Variants in PDS5B observed in about 807,000 individuals in gnomAD.
The protein encoded by PDS5B is sister chromatid cohesion protein PDS5 homolog B.
In PDS5B, 51 loss-of-function variants were observed where a neutral mutation model predicts 184.1. The ratio of observed to expected loss-of-function variants is 0.28; its 90% confidence interval spans 0.22 to 0.35. PDS5B has a LOEUF of 0.35. Among genes scored for constraint, PDS5B ranks in the 10% least tolerant of loss-of-function variants. PDS5B has a pLI of 1.00. For missense variants in PDS5B, 1,180 were observed against 1,723.3 expected (o/e 0.68, Z 5.58); for synonymous variants, 566 against 569.2 (o/e 0.99, Z 0.08).
intron 29 of PDS5B, 80 bp from the exon 30 acceptor site, chr13:32,760,495 A>C (rs1420040995): frequency 2.4e-5 from 31 of 1,292,974 alleles, no homozygotes; most frequent in Middle Eastern, 1.9e-4. Context: ...ACTTTGAGAG[A>C]GATGTTATTT....
At chr13:32,680,642 G>C (rs967252952) in intron 10 of PDS5B, among the ~76,000 whole-genome samples, 3 of 152,128 alleles carry the variant, frequency 2.0e-5, no homozygotes, top group Non-Finnish European at 1.5e-5. Flanking sequence ...TTTTGGTGTG[G>C]AATAGGGGCA....
At chr13:32,613,165 A>G (rs373591772) in intron 1 of PDS5B, among the ~76,000 whole-genome samples, 1 of 152,012 alleles carries the variant, frequency 6.6e-6, no homozygotes, top group Admixed American at 6.6e-5. Flanking sequence ...GGTTATTTCC[A>G]TTTTTCAGCT....
At chr13:32,698,384 G>C (rs1951768584) in intron 15 of PDS5B, among the ~76,000 whole-genome samples, 1 of 152,056 alleles carries the variant, frequency 6.6e-6, no homozygotes, top group African/African-American at 2.4e-5. Flanking sequence ...AACTACTAGT[G>C]GTCTTTGGAA....
chr13:32,645,124 A>G (rs1228406475), intron 1 of PDS5B, among the ~76,000 whole-genome samples: 1 of 151,952 alleles, frequency 6.6e-6, no homozygotes, highest in African/African-American at 2.4e-5. Flanking sequence ...TGATCTTGTC[A>G]CCTCAACTTG....
intron 7 of PDS5B, among the ~76,000 whole-genome samples, chr13:32,670,931 G>C (rs1332723433): frequency 6.6e-6 from 1 of 152,182 alleles, no homozygotes; most frequent in African/African-American, 2.4e-5. Flanking sequence ...ATTTATTACT[G>C]ACTGGTGACA....
At chr13:32,731,632 A>G (rs1054972616) in intron 19 of PDS5B, among the ~76,000 whole-genome samples, 1 of 152,170 alleles carries the variant, frequency 6.6e-6, no homozygotes, top group Non-Finnish European at 1.5e-5. Context: ...AGTCCCTGGC[A>G]TGTAATATTG....
chr13:32,601,767 A>G (rs1206715539), intron 1 of PDS5B, among the ~76,000 whole-genome samples: 1 of 152,208 alleles, frequency 6.6e-6, no homozygotes, highest in African/African-American at 2.4e-5. Flanking sequence ...TTTTACAAAT[A>G]TTTGTTTGTG....
At chr13:32,678,998 GGA>G in intron 10 of PDS5B, 69 bp downstream of exon 10, 4 of 789,534 alleles carry the variant, frequency 5.1e-6, no homozygotes, top group East Asian at 2.7e-5. Context: ...TTTCATAGGG[GGA>G]AAAAAAACCC....
rs1359946861 is a variant in PDS5B at position 32,613,974 on chromosome 13, C to T, written c.-20+27381C>T. 7.2e-5 allele frequency among the ~76,000 whole-genome samples: 11 copies of T among 152,072 alleles called. No homozygotes were observed. The East Asian group carries it at 7.7e-4, about 11-fold the overall frequency. On this transcript the variant is annotated intron_variant, in intron 1 of 34. Coordinates refer to ENST00000315596, the MANE Select transcript of PDS5B (RefSeq NM_015032.4). Reference sequence around the variant, plus strand: ...GCGTGTTGATAACCTGTTCTGTCACCGTTTGTTGAAAAGACTGTTCTTTTC... The same window carrying T: ...GCGTGTTGATAACCTGTTCTGTCACTGTTTGTTGAAAAGACTGTTCTTTTC...
At chr13:32,669,219 A>G (rs1162399918) in intron 7 of PDS5B, among the ~76,000 whole-genome samples, 10 of 151,898 alleles carry the variant, frequency 6.6e-5, no homozygotes, top group Non-Finnish European at 1.2e-4. Context: ...GGGCCATTAG[A>G]GCACACTAGG....
rs979337354 is a variant in PDS5B at position 32,640,288 on chromosome 13, C to T, written c.-19-8466C>T. Among the ~76,000 whole-genome samples the T allele has an allele frequency of 3.3e-5, 5 of 152,158 alleles. No homozygotes were observed. The East Asian group carries it at 9.7e-4, about 29-fold the overall frequency. ...TTGAGATGAAATCTCGCTGTCTCAC[C>T]CATGCTGGAGTGCAACGGCACGATC... On this transcript the variant is annotated intron_variant, in intron 1 of 34. Transcript: ENST00000315596.
chr13:32,767,205 G>A (rs927437240), intron 31 of PDS5B, among the ~76,000 whole-genome samples: 3 of 152,070 alleles, frequency 2.0e-5, no homozygotes, highest in African/African-American at 7.2e-5. Flanking sequence ...CTTAAGATCC[G>A]TTCTTGACAA....
intron 1 of PDS5B, among the ~76,000 whole-genome samples, chr13:32,636,897 G>A (rs1211533024): frequency 6.6e-6 from 1 of 152,190 alleles, no homozygotes; most frequent in Non-Finnish European, 1.5e-5. Flanking sequence ...CTGATTGACA[G>A]GTGAGACTTG....
chr13:32,593,992 T>TC (rs762859639), intron 1 of PDS5B, among the ~76,000 whole-genome samples: 5 of 152,224 alleles, frequency 3.3e-5, no homozygotes, highest in Admixed American at 6.5e-5. Flanking sequence ...TTTTGAATGT[T>TC]CCCAACACAA....
In PDS5B at chr13:32,630,789, C is replaced by CTT. The variant is rs59791239; in HGVS notation, c.-19-17951_-19-17950dup. Among the ~76,000 whole-genome samples, 107 of 141,726 alleles carry CTT rather than the reference C, an allele frequency of 7.5e-4. 1 individual carries two copies. Among genetic ancestry groups the CTT allele is most frequent in the Middle Eastern group, 3.6e-3 (1 of 274 alleles). 93.0% of individuals were successfully genotyped at this position (141,726 alleles called of 152,430 possible). A position where few individuals can be genotyped will look rare whatever the true frequency, so the allele number is the denominator to read the frequency against. On this transcript the variant is annotated intron_variant, in intron 1 of 34. Transcript: ENST00000315596. Reference sequence around the variant, plus strand: ...CAAGCTAAAACAGTTCTCTTCCTTACTTTTTTTTTTTTTTTCAGACGGAGT... The same window carrying CTT: ...CAAGCTAAAACAGTTCTCTTCCTTACTTTTTTTTTTTTTTTTTCAGACGGAGT...
At chr13:32,702,783 G>A (rs1197116393) in intron 17 of PDS5B, among the ~76,000 whole-genome samples, 2 of 152,150 alleles carry the variant, frequency 1.3e-5, no homozygotes, top group Admixed American at 1.3e-4. Context: ...AAAGCCAGAT[G>A]GGGAGCAGAT....
chr13:32,600,435 T>C (rs913705246), intron 1 of PDS5B, among the ~76,000 whole-genome samples: 2 of 152,098 alleles, frequency 1.3e-5, no homozygotes, highest in Admixed American at 6.5e-5. Context: ...TTAAGATGGG[T>C]CTATAGAAAG....
intron 23 of PDS5B, among the ~76,000 whole-genome samples, chr13:32,744,254 G>A (rs1953667184): frequency 1.3e-5 from 2 of 151,994 alleles, no homozygotes; most frequent in Non-Finnish European, 2.9e-5. Flanking sequence ...TTAAAATTTC[G>A]AATGTAATTG....
At chr13:32,669,842 TG>T (rs1262216712) in intron 7 of PDS5B, among the ~76,000 whole-genome samples, 1 of 152,214 alleles carries the variant, frequency 6.6e-6, no homozygotes, top group African/African-American at 2.4e-5. Context: ...AAATAAGAAT[TG>T]CTTTTTCCCT....
Sources: allele counts gnomAD v4.1 joint callset (sites outside exome capture counted in the v4.1 genomes callset), GRCh38; gene constraint gnomAD v4.1.1; transcripts MANE v1.5; gene names NCBI Gene and HGNC (gene_info 2026-07-23, HGNC 2026-07-21).